GBP1: variants seen among roughly 807,000 people sequenced by gnomAD.
GBP1 encodes the protein guanylate-binding protein 1.
GBP1 carries 64 observed loss-of-function variants against 69.5 expected under a neutral mutation model. That is an observed-to-expected ratio of 0.92 (90% CI 0.75 to 1.13). The LOEUF (loss-of-function observed/expected upper bound fraction) is 1.13. GBP1 is among the 50% of genes most tolerant of loss of function. GBP1 has a pLI of 0.00. For synonymous variants in GBP1, 250 were observed against 261.2 expected (o/e 0.96, Z 0.41); for missense variants, 630 against 704.1 (o/e 0.89, Z 1.19).
At chr1:89,061,903 A>G (rs1255029623) in intron 2 of GBP1, among the ~76,000 whole-genome samples, 1 of 152,128 alleles carries the variant, frequency 6.6e-6, no homozygotes, top group Non-Finnish European at 1.5e-5. Flanking sequence ...ACGTGAAAAG[A>G]TGCTCAACAT....
chr1:89,058,733 T>C (rs1680106582), intron 5 of GBP1, 108 bp downstream of exon 5: 29 of 1,122,478 alleles, frequency 2.6e-5, no homozygotes, highest in Middle Eastern at 4.2e-4. Context: ...AATAGCCAGC[T>C]GAAGACATAG....
intron 7 of GBP1, 46 bp downstream of exon 7, chr1:89,056,808 T>G: frequency 6.4e-7 from 1 of 1,573,860 alleles, no homozygotes; most frequent in Non-Finnish European, 8.6e-7. Context: ...TTGTGGTACT[T>G]TAGCTTCTAT....
chr1:89,059,200 T>C, intron 4 of GBP1, 117 bp downstream of exon 4: 6 of 1,603,948 alleles, frequency 3.7e-6, no homozygotes, highest in Non-Finnish European at 5.1e-6. Flanking sequence ...TGTACTTGCA[T>C]TATTTTTTGT....
Position 89,058,504 on chromosome 1 carries a change from C to T in GBP1, c.632-270G>A, listed in dbSNP as rs184880242. On this transcript the variant is annotated intron_variant, in intron 5 of 10. Coordinates refer to ENST00000370473, the MANE Select transcript of GBP1 (RefSeq NM_002053.3). ...GTTTGCCAATGCTTGGACTAGCACA[C>T]GGTTCATGTTTTAGTCTATGTTCTT... The T allele has an allele frequency of 2.0e-3, 1,044 of 513,652 alleles. 18 individuals carry two copies. In the Admixed American group the frequency reaches 0.033, roughly 16 times the overall value. The allele number at this position is 513,652 out of a possible 1,614,324, so 31.8% of individuals were successfully genotyped here.
chr1:89,056,270 G>A lies in GBP1; in HGVS notation c.1156-42C>T, dbSNP rs569129115. ...GGAAGTAAAAAGAGTAACAGGGAAA[G>A]GATGTTAGCTTGACCTCAGAATTTT... On this transcript the variant is annotated intron_variant, in intron 7 of 10. Transcript: ENST00000370473. 17 of 1,613,492 alleles carry A rather than the reference G, an allele frequency of 1.1e-5. No homozygotes were observed. In the East Asian group the frequency reaches 3.3e-4, roughly 32 times the overall value.
In GBP1 at chr1:89,058,217, C is replaced by A; in HGVS notation, c.649G>T (p.Glu217Ter). 1 of 1,593,028 alleles carries A rather than the reference C, an allele frequency of 6.3e-7. No homozygotes were observed. Among genetic ancestry groups the A allele is most frequent in the African/African-American group, 1.4e-5 (1 of 73,726 alleles). The change falls in exon 6 of 11, where the codon GAA (glutamate) becomes TAA (stop). Residue 217 changes from glutamate (E) to a stop codon, truncating the protein, a stop_gained. Coordinates refer to ENST00000370473, the MANE Select transcript of GBP1 (RefSeq NM_002053.3). LOFTEE classifies it high-confidence loss of function. ...KLKKGTSQKDETFNLPRLCIR... is the reference protein window; with the variant it reads ...KLKKGTSQKD ...CAGAGTCTGGGCAGGTTAAAAGTTT[C>A]ATCTTTTTGACTGGTACCTAGAAAA...
intron 5 of GBP1, chr1:89,058,440 C>G: frequency 1.8e-6 from 1 of 547,728 alleles, no homozygotes; most frequent in East Asian, 3.1e-5. Context: ...ACAAAGACAG[C>G]TGGCAGGCAG....
intron 10 of GBP1, among the ~76,000 whole-genome samples, chr1:89,054,302 G>T (rs957244762): frequency 6.6e-6 from 1 of 151,998 alleles, no homozygotes; most frequent in East Asian, 1.9e-4. Flanking sequence ...GGATTTCACC[G>T]TGTTAGCCAG....
chr1:89,055,852 A>G (rs1322772781), intron 8 of GBP1, 164 bp downstream of exon 8: 7 of 812,020 alleles, frequency 8.6e-6, no homozygotes, highest in Non-Finnish European at 1.4e-5. Flanking sequence ...ATGAGCACCT[A>G]GGACATATCT....
intron 2 of GBP1, among the ~76,000 whole-genome samples, chr1:89,062,271 A>C (rs867029563): frequency 1.3e-5 from 2 of 152,254 alleles, no homozygotes; most frequent in Admixed American, 6.5e-5. Flanking sequence ...CCAAGTGTCC[A>C]TTGACAGATG....
At chr1:89,064,240 T>TGTGTGTGTGTGTGTGAGA (rs1243424526) in intron 1 of GBP1, among the ~76,000 whole-genome samples, 1 of 100,010 alleles carries the variant, frequency 1.0e-5, no homozygotes, top group African/African-American at 4.1e-5. Context: ...TGTGTGTGTG[T>TGTGTGTGTGTGTGTGAGA]GAGAGAGAGA....
At position 89,054,809 on chromosome 1, in the gene GBP1, T is replaced by C. The variant is rs1289486650; in HGVS notation, c.1538A>G (p.Asn513Ser). Residue 513 changes from asparagine (N) to serine (S), a missense_variant, in exon 10 of 11, where the codon AAT (asparagine) becomes AGT (serine). By Grantham distance (46) the Asn-to-Ser change is conservative. Around this residue, in one of 5 missense-constraint regions of GBP1, gnomAD observed 35 missense variants for 68.6 expected, o/e 0.51. Transcript: ENST00000370473. ...AKMLQEMQRK[N>S]EQMMEQKERS... is the part of the protein sequence containing the mutation. ...CTCCTTCTGTTCCATCATCTGCTCA[T>C]TCTTTCTTTGCATTTCCTGCAACAT... The C allele has an allele frequency of 1.9e-6, 3 of 1,614,148 alleles. No individual in the cohort carries two copies. The Admixed American group carries it at 5.0e-5, about 27-fold the overall frequency.
In GBP1 at chr1:89,063,194, A is replaced by G. The variant is rs375266486; in HGVS notation, c.41T>C (p.Ile14Thr). 15 of 1,613,924 alleles carry G rather than the reference A, an allele frequency of 9.3e-6. No individual in the cohort carries two copies. The highest frequency in any genetic ancestry group is 4.0e-5 in the African/African-American group (3 of 74,896). The change falls in exon 2 of 11, where the codon ATT becomes ACT. Residue 14 changes from isoleucine to threonine, a missense_variant. Transcript: ENST00000370473. The part of the protein sequence containing the change: ...EIHMTGPMCL[I>T]ENTNGRLMAN... ...CATCAGTCGCCCATTAGTGTTCTCAATGAGGCACATTGGGCCTGTCATGTG... is the reference window on the plus strand; with the variant it reads ...CATCAGTCGCCCATTAGTGTTCTCAGTGAGGCACATTGGGCCTGTCATGTG...
chr1:89,055,296 C>G (rs1680014865), intron 8 of GBP1, 81 bp from the exon 9 acceptor site: 1 of 1,589,696 alleles, frequency 6.3e-7, no homozygotes. Context: ...GCCATCCTTT[C>G]TCCTCTGGGA....
rs557793546 is a variant in GBP1, at chr1:89,055,914, C to G, written c.1368+102G>C. On this transcript the variant is annotated intron_variant, in intron 8 of 10. Coordinates refer to ENST00000370473, the MANE Select transcript of GBP1 (RefSeq NM_002053.3). Reference sequence around the variant, plus strand: ...ATTGAATAAAAGCATGAATGTTATGCAAACAAAAAAGCACATCTGTATGCA... The same window carrying G: ...ATTGAATAAAAGCATGAATGTTATGGAAACAAAAAAGCACATCTGTATGCA... 46 of 1,382,424 alleles carry G rather than the reference C, an allele frequency of 3.3e-5. 1 individual carries two copies. The South Asian group carries it at 5.2e-4, about 16-fold the overall frequency. The allele number at this position is 1,382,424 out of a possible 1,614,324, so 85.6% of individuals were successfully genotyped here.
chr1:89,053,601 GCCTA>G, intron 10 of GBP1, 133 bp from the exon 11 acceptor site: 2 of 1,393,118 alleles, frequency 1.4e-6, no homozygotes, highest in Non-Finnish European at 9.5e-7. Context: ...TCATACTTTG[GCCTA>G]TCATTGACCA....
At chr1:89,055,661 T>A in intron 8 of GBP1, 1 of 391,524 alleles carries the variant, frequency 2.6e-6, no homozygotes, top group Non-Finnish European at 4.7e-6. Context: ...TAGACCCACC[T>A]GACCTGTAAA....
chr1:89,055,356 G>A (rs564212177), intron 8 of GBP1, 141 bp from the exon 9 acceptor site: 3 of 1,412,806 alleles, frequency 2.1e-6, no homozygotes, highest in Non-Finnish European at 1.9e-6. Context: ...CCCTGTCGGA[G>A]CGACAGACAC....
intron 2 of GBP1, among the ~76,000 whole-genome samples, chr1:89,061,999 C>A (rs1209152666): frequency 1.4e-4 from 21 of 149,764 alleles, no homozygotes; most frequent in Admixed American, 2.7e-4. Flanking sequence ...AAAAAAAAAA[C>A]CACTGAAAAT....
Sources: allele counts gnomAD v4.1 joint callset (sites outside exome capture counted in the v4.1 genomes callset), GRCh38; gene constraint gnomAD v4.1.1; regional missense constraint gnomAD v4.1.1; transcripts MANE v1.5; gene names NCBI Gene and HGNC (gene_info 2026-07-23, HGNC 2026-07-21).